The following UBE2W variants were observed in gnomAD, a reference collection of about 807,000 sequenced individuals.
UBE2W encodes ubiquitin-conjugating enzyme E2 W.
In UBE2W, 18 loss-of-function variants were observed where a neutral mutation model predicts 27.2. The ratio of observed to expected loss-of-function variants is 0.66; its 90% confidence interval spans 0.46 to 0.98. UBE2W has a LOEUF of 0.98. UBE2W is among the 50% of genes least tolerant of loss of function. The pLI, the probability that UBE2W is intolerant of heterozygous loss-of-function variation, is 0.00. For missense variants in UBE2W, 90 were observed against 180.2 expected, an observed-to-expected ratio of 0.50 and a Z score of 2.87; for synonymous variants, 53 against 57.2, an observed-to-expected ratio of 0.93 and a Z score of 0.33.
rs116399491 is a variant in UBE2W, at chr8:73,830,844, C to T, written c.16-372G>A. On this transcript the variant is annotated intron_variant, in intron 1 of 5. Coordinates refer to ENST00000602593, the MANE Select transcript of UBE2W (RefSeq NM_018299.6). ...AGTTATCCTTGATAATATCCTTCTA[C>T]AATCTGAAATCATTAAATTTCCTCC... Among the ~76,000 whole-genome samples, 754 of 152,320 alleles carry T rather than the reference C, an allele frequency of 5.0e-3. 3 individuals are homozygous for T. Among genetic ancestry groups the T allele is most frequent in the African/African-American group, 0.017 (723 of 41,546 alleles).
chr8:73,800,938 C>T (rs527657616), intron 5 of UBE2W, among the ~76,000 whole-genome samples: 277 of 152,154 alleles, frequency 1.8e-3, no homozygotes, highest in Middle Eastern at 3.4e-3. Flanking sequence ...ATTAAAAATA[C>T]AAAATTAGCC....
In UBE2W at chr8:73,793,802, T is replaced by C; in HGVS notation, c.*300A>G. On this transcript the variant is annotated 3_prime_UTR_variant, in exon 6 of 6. Transcript: ENST00000602593. Reference sequence around the variant, plus strand: ...GAAGTCATTGTTATTGCACAATACATGAGGACCTGGAGCTTTTCCAAAAGC... The same window carrying C: ...GAAGTCATTGTTATTGCACAATACACGAGGACCTGGAGCTTTTCCAAAAGC... 9.0e-7 allele frequency: 1 copy of C among 1,113,726 alleles called. No homozygotes were observed. The highest frequency in any genetic ancestry group is 1.1e-6 in the Non-Finnish European group (1 of 911,114). The allele number at this position is 1,113,726 out of a possible 1,614,324, so 69.0% of individuals were successfully genotyped here.
rs542704929 is a variant in UBE2W, at chr8:73,865,785, T to C, written c.15+13023A>G. Among the ~76,000 whole-genome samples, 11 of 152,266 alleles carry C rather than the reference T, an allele frequency of 7.2e-5. No individual in the cohort carries two copies. The South Asian group carries it at 2.3e-3, about 32-fold the overall frequency. ...TCCTTTCATGTAGTACAAAAGACTA[T>C]TCTAATTTTAAAATTTTTTAAATTT... On this transcript the variant is annotated intron_variant, in intron 1 of 5. Coordinates refer to ENST00000602593, the MANE Select transcript of UBE2W (RefSeq NM_018299.6).
chr8:73,862,560 A>G (rs1299568911), intron 1 of UBE2W, among the ~76,000 whole-genome samples: 2 of 149,416 alleles, frequency 1.3e-5, no homozygotes, highest in Non-Finnish European at 3.0e-5. Flanking sequence ...TGGCAACAAA[A>G]GACAAAATTG....
rs193179098 is a variant in UBE2W, at chr8:73,840,014, G to C, written c.16-9542C>G. Among the ~76,000 whole-genome samples, 485 of 145,002 alleles carry C rather than the reference G, an allele frequency of 3.3e-3. 3 individuals carry two copies. The highest frequency in any genetic ancestry group is 1.0e-2 in the South Asian group (46 of 4,602). Reference sequence around the variant, plus strand: ...GCCTCCCAAAGCACTGGGATTACAGGTGTTGAGCCACCGTGCCTGGCCAAA... The same window carrying C: ...GCCTCCCAAAGCACTGGGATTACAGCTGTTGAGCCACCGTGCCTGGCCAAA... On this transcript the variant is annotated intron_variant, in intron 1 of 5. Transcript: ENST00000602593.
intron 5 of UBE2W, among the ~76,000 whole-genome samples, chr8:73,797,548 C>A (rs1808473724): frequency 6.6e-6 from 1 of 152,108 alleles, no homozygotes; most frequent in Non-Finnish European, 1.5e-5. Context: ...AAAGCTGGTA[C>A]AAATAAAAAA....
At chr8:73,872,984 GCGCCTC>G (rs1449216869) in intron 1 of UBE2W, among the ~76,000 whole-genome samples, 4 of 151,062 alleles carry the variant, frequency 2.6e-5, no homozygotes, top group Non-Finnish European at 5.9e-5. Flanking sequence ...TCACTGCAAG[GCGCCTC>G]CGCCTCCTGG....
At chr8:73,842,311 G>A (rs1487289537) in intron 1 of UBE2W, among the ~76,000 whole-genome samples, 1 of 151,778 alleles carries the variant, frequency 6.6e-6, no homozygotes, top group Non-Finnish European at 1.5e-5. Context: ...GGTGGATTAC[G>A]AGGTCAGGAG....
At chr8:73,842,392 G>A (rs2130929699) in intron 1 of UBE2W, among the ~76,000 whole-genome samples, 1 of 151,810 alleles carries the variant, frequency 6.6e-6, no homozygotes, top group East Asian at 1.9e-4. Context: ...AGCCGGGCGT[G>A]GTGGCGGGCG....
intron 1 of UBE2W, among the ~76,000 whole-genome samples, chr8:73,861,555 A>G (rs1008923024): frequency 6.6e-6 from 1 of 152,098 alleles, no homozygotes; most frequent in Non-Finnish European, 1.5e-5. Flanking sequence ...CAATCCTCCC[A>G]CCTTGGCCTC....
At chr8:73,832,688 T>C (rs557409408) in intron 1 of UBE2W, among the ~76,000 whole-genome samples, 3 of 152,242 alleles carry the variant, frequency 2.0e-5, no homozygotes, top group East Asian at 1.9e-4. Flanking sequence ...GATTTACTGG[T>C]TGAGCATCCC....
intron 2 of UBE2W, among the ~76,000 whole-genome samples, chr8:73,826,558 A>C (rs901492995): frequency 6.6e-6 from 1 of 152,254 alleles, no homozygotes; most frequent in African/African-American, 2.4e-5. Flanking sequence ...TCTCTAAAAG[A>C]AATCAGCTAC....
chr8:73,791,793 G>T lies in UBE2W; in HGVS notation c.*2309C>A. On this transcript the variant is annotated 3_prime_UTR_variant, in exon 6 of 6. Transcript: ENST00000602593. ...TTATTTTCTACTCTTTAAACCATAA[G>T]ATGTACCGAAATTATTTCATTTTCC... 1 of 984,620 alleles carries T rather than the reference G, an allele frequency of 1.0e-6. No individual in the cohort carries two copies. Among genetic ancestry groups the T allele is most frequent in the Non-Finnish European group, 1.2e-6 (1 of 829,352 alleles). 61.0% of individuals were successfully genotyped at this position (984,620 alleles called of 1,614,324 possible). A position where few individuals can be genotyped will look rare whatever the true frequency, so the allele number is the denominator to read the frequency against.
downstream of UBE2W, among the ~76,000 whole-genome samples, chr8:73,781,609 T>A (rs114706063): frequency 0.011 from 1,590 of 142,284 alleles, 36 homozygotes; most frequent in African/African-American, 0.039. Context: ...TTTGTCCGAC[T>A]CAGGTTTGGG....
At chr8:73,826,022 C>CA (rs1351979541) in intron 2 of UBE2W, among the ~76,000 whole-genome samples, 7 of 152,050 alleles carry the variant, frequency 4.6e-5, no homozygotes, top group African/African-American at 1.7e-4. Flanking sequence ...CCGTAGCTGT[C>CA]AGACTTATTT....
chr8:73,875,135 A>G (rs1812163502), intron 1 of UBE2W, among the ~76,000 whole-genome samples: 1 of 152,240 alleles, frequency 6.6e-6, no homozygotes, highest in Non-Finnish European at 1.5e-5. Flanking sequence ...AGGAAAAGAA[A>G]AAAAGAAAAT....
At position 73,789,191 on chromosome 8, in the gene UBE2W, C is replaced by T. The variant is rs1008590646; in HGVS notation, c.*4911G>A. ...AACCTGTCTTAAATCGGCAAACAGACGAGGCATGGTGGCTTGCACCTGTAA... is the reference window on the plus strand; with the variant it reads ...AACCTGTCTTAAATCGGCAAACAGATGAGGCATGGTGGCTTGCACCTGTAA... On this transcript the variant is annotated 3_prime_UTR_variant, in exon 6 of 6. Transcript: ENST00000602593. 31 of 984,492 alleles carry T rather than the reference C, an allele frequency of 3.1e-5. No homozygotes were observed. The highest frequency in any genetic ancestry group is 4.7e-5 in the South Asian group (1 of 21,240). 61.0% of individuals were successfully genotyped at this position (984,492 alleles called of 1,614,324 possible).
chr8:73,832,136 A>AAT (rs111764105), intron 1 of UBE2W, among the ~76,000 whole-genome samples: 16,698 of 145,342 alleles, frequency 0.11, 1,038 homozygotes, highest in Middle Eastern at 0.18. Flanking sequence ...AAAATAAATA[A>AAT]ATATATATAT....
intron 1 of UBE2W, among the ~76,000 whole-genome samples, chr8:73,845,770 CAA>C (rs1368796652): frequency 6.6e-6 from 1 of 150,680 alleles, no homozygotes; most frequent in Admixed American, 6.6e-5. Context: ...AGATTAGCTA[CAA>C]AGTTATAGAA....
Sources: gnomAD v4.1 joint callset for allele counts (sites outside exome capture counted in the v4.1 genomes callset) on GRCh38, gnomAD v4.1.1 for gene constraint, MANE v1.5 for transcripts, NCBI Gene and HGNC (gene_info 2026-07-23, HGNC 2026-07-21) for gene names.